The following PAWR variants were observed in gnomAD, a reference collection of about 807,000 sequenced individuals.
PAWR encodes the protein pro-apoptotic WT1 regulator.
Under a neutral mutation model 32.0 loss-of-function variants are expected in PAWR, and 23 were observed. The ratio of observed to expected loss-of-function variants is 0.72; its 90% CI spans 0.52 to 1.02. The LOEUF is 1.02. PAWR is among the 50% of genes least tolerant of loss of function. The pLI is 0.00. For synonymous variants in PAWR, 226 were observed against 187.1 expected (o/e 1.21, Z -1.70); for missense variants, 457 against 437.7 (o/e 1.04, Z -0.39).
chr12:79,672,302 A>G (rs914176824), intron 2 of PAWR, among the ~76,000 whole-genome samples: 29 of 152,128 alleles, frequency 1.9e-4, no homozygotes, highest in African/African-American at 7.0e-4. Flanking sequence ...AAACTCTACC[A>G]TGACCTGGTC....
chr12:79,593,892 C>T (rs113968256), intron 6 of PAWR, among the ~76,000 whole-genome samples: 17,419 of 151,142 alleles, frequency 0.12, 1,089 homozygotes, highest in Non-Finnish European at 0.14. Context: ...TTAGTAGAGT[C>T]GGGGTTTTAC....
At chr12:79,674,417 T>G (rs897342484) in intron 2 of PAWR, among the ~76,000 whole-genome samples, 5 of 150,776 alleles carry the variant, frequency 3.3e-5, no homozygotes, top group Non-Finnish European at 7.4e-5. Context: ...TCAAATGGAC[T>G]AAAGGCTTAA....
chr12:79,673,692 C>T (rs1878023070), intron 2 of PAWR, among the ~76,000 whole-genome samples: 6 of 152,152 alleles, frequency 3.9e-5, no homozygotes, highest in Admixed American at 3.9e-4. Context: ...TTTGTGAGAA[C>T]TTAAAATAAG....
At chr12:79,643,791 CCTG>C (rs371894334) in intron 2 of PAWR, among the ~76,000 whole-genome samples, 23 of 152,168 alleles carry the variant, frequency 1.5e-4, no homozygotes, top group African/African-American at 5.5e-4. Flanking sequence ...CAAACACTTA[CCTG>C]CTATTTTTCA....
chr12:79,648,809 A>C (rs955092169), intron 2 of PAWR, among the ~76,000 whole-genome samples: 1 of 151,902 alleles, frequency 6.6e-6, no homozygotes, highest in African/African-American at 2.4e-5. Flanking sequence ...AAAAAATAAA[A>C]AAACCCTAAA....
At chr12:79,634,783 A>G (rs1390498968) in intron 2 of PAWR, among the ~76,000 whole-genome samples, 2 of 152,158 alleles carry the variant, frequency 1.3e-5, no homozygotes, top group Non-Finnish European at 2.9e-5. Context: ...TGAAAAAAAA[A>G]AGAGTGACTA....
At chr12:79,624,048 T>C (rs780911563) in intron 2 of PAWR, among the ~76,000 whole-genome samples, 4 of 152,188 alleles carry the variant, frequency 2.6e-5, no homozygotes, top group Non-Finnish European at 5.9e-5. Context: ...TCTAGTCTTC[T>C]ACTGTGTGAA....
At chr12:79,614,845 G>A (rs1051684624) in intron 3 of PAWR, among the ~76,000 whole-genome samples, 2 of 152,152 alleles carry the variant, frequency 1.3e-5, no homozygotes, top group African/African-American at 4.8e-5. Context: ...CAAACCATAT[G>A]ATTAAGAGGA....
chr12:79,619,543 C>G (rs550757867), intron 3 of PAWR, among the ~76,000 whole-genome samples: 1 of 152,098 alleles, frequency 6.6e-6, no homozygotes, highest in Non-Finnish European at 1.5e-5. Context: ...GTATATATAG[C>G]GTTCAGTACT....
intron 2 of PAWR, among the ~76,000 whole-genome samples, chr12:79,631,287 T>C (rs1013040436): frequency 6.6e-6 from 1 of 152,144 alleles, no homozygotes; most frequent in Non-Finnish European, 1.5e-5. Context: ...ACCACTTCTA[T>C]TCAGTATCTA....
At chr12:79,661,623 TAAAA>T (rs897746151) in intron 2 of PAWR, among the ~76,000 whole-genome samples, 1 of 152,166 alleles carries the variant, frequency 6.6e-6, no homozygotes, top group Non-Finnish European at 1.5e-5. Context: ...ATTTTACACT[TAAAA>T]AAACTATTAA....
intron 2 of PAWR, among the ~76,000 whole-genome samples, chr12:79,642,532 G>A (rs994071826): frequency 3.4e-4 from 51 of 152,174 alleles, no homozygotes; most frequent in African/African-American, 1.1e-3. Flanking sequence ...TTGGCTTGCA[G>A]ATGGTCACCT....
intron 2 of PAWR, among the ~76,000 whole-genome samples, chr12:79,668,969 T>C (rs1256923984): frequency 6.6e-6 from 1 of 152,220 alleles, no homozygotes; most frequent in East Asian, 1.9e-4. Flanking sequence ...TCCAACTGTG[T>C]GCTGTTATGA....
At chr12:79,667,020 T>C (rs1877641197) in intron 2 of PAWR, among the ~76,000 whole-genome samples, 1 of 152,222 alleles carries the variant, frequency 6.6e-6, no homozygotes, top group South Asian at 2.1e-4. Flanking sequence ...CCTCTTCAAG[T>C]TGTCCTGCCT....
intron 2 of PAWR, among the ~76,000 whole-genome samples, chr12:79,655,882 T>TGGG (rs776013023): frequency 6.6e-5 from 10 of 152,166 alleles, no homozygotes; most frequent in Non-Finnish European, 1.2e-4. Flanking sequence ...GGGTATACAG[T>TGGG]GTAAAATATG....
chr12:79,601,194 G>A (rs1873947695), intron 4 of PAWR, among the ~76,000 whole-genome samples: 1 of 145,744 alleles, frequency 6.9e-6, no homozygotes, highest in East Asian at 2.0e-4. Flanking sequence ...GAAAAAGCAA[G>A]CAGGAAACCT....
chr12:79,630,315 A>T (rs11114197), intron 2 of PAWR, among the ~76,000 whole-genome samples: 74,945 of 150,840 alleles, frequency 0.5, 23,120 homozygotes, highest in Non-Finnish European at 0.67. Context: ...ATATATATAT[A>T]TTTTTTTTGA....
rs554102584 is a variant in PAWR at position 79,622,495 on chromosome 12, C to T, written c.517-1288G>A. Among the ~76,000 whole-genome samples the T allele has an allele frequency of 5.3e-5, 8 of 152,160 alleles. No individual in the cohort carries two copies. In the South Asian group the frequency reaches 1.5e-3, roughly 28 times the overall value. On this transcript the variant is annotated intron_variant, in intron 2 of 6. Coordinates refer to ENST00000328827, the MANE Select transcript of PAWR (RefSeq NM_002583.4). ...ACGACAGGTCCCAGAGTGTGATGTT[C>T]CTCACCCTGTGTCCAAGTGTTCTCA...
intron 2 of PAWR, among the ~76,000 whole-genome samples, chr12:79,622,469 C>A (rs1186500887): frequency 6.6e-6 from 1 of 152,118 alleles, no homozygotes; most frequent in Non-Finnish European, 1.5e-5. Context: ...CCCCCAACCC[C>A]ACGACAGGTC....
Sources: gnomAD v4.1 joint callset for allele counts (sites outside exome capture counted in the v4.1 genomes callset) on GRCh38, gnomAD v4.1.1 for gene constraint, MANE v1.5 for transcripts, NCBI Gene and HGNC (gene_info 2026-07-23, HGNC 2026-07-21) for gene names.